ZBTB46: variants seen among roughly 807,000 people sequenced by gnomAD.
The protein encoded by ZBTB46 is zinc finger and BTB domain containing 46.
Under a neutral mutation model 44.1 loss-of-function variants are expected in ZBTB46, and 8 were observed. The observed-to-expected ratio is 0.18, with a 90% CI of 0.11 to 0.33. The LOEUF (loss-of-function observed/expected upper bound fraction) is 0.33, where lower values mean the gene tolerates loss of function less well. Among genes scored for constraint, ZBTB46 ranks in the 10% least tolerant of loss-of-function variants. ZBTB46 has a pLI of 1.00. For missense variants in ZBTB46, 651 were observed against 847.7 expected (o/e 0.77, Z 2.88); for synonymous variants, 409 against 382.3 (o/e 1.07, Z -0.81).
At position 63,778,035 on chromosome 20, in the gene ZBTB46, G is replaced by A. The variant is rs1020972579; in HGVS notation, c.938-2073C>T. ...TGGCTGCAAAAAGGGGCTGGGGAGG[G>A]GTCTCGGATGAGGGCTAAGTGGTGC... is the stretch of plus-strand genomic sequence containing the variant. On this transcript the variant is annotated intron_variant, in intron 2 of 4. Transcript: ENST00000245663. 5.3e-5 allele frequency among the ~76,000 whole-genome samples: 8 copies of A among 152,298 alleles called. No individual in the cohort carries two copies. In the East Asian group the frequency reaches 1.3e-3, roughly 26 times the overall value.
intron 2 of ZBTB46, among the ~76,000 whole-genome samples, chr20:63,777,064 AG>A (rs1440598387): frequency 1.4e-4 from 6 of 44,016 alleles, no homozygotes; most frequent in African/African-American, 1.9e-4. Flanking sequence ...CCACGGTTCC[AG>A]CACACGCCAC....
At chr20:63,770,113 A>G (rs1305001462) in intron 3 of ZBTB46, among the ~76,000 whole-genome samples, 1 of 152,168 alleles carries the variant, frequency 6.6e-6, no homozygotes, top group Non-Finnish European at 1.5e-5. Flanking sequence ...CGCGTCCCAC[A>G]TTTCCGGGCA....
intron 2 of ZBTB46, among the ~76,000 whole-genome samples, chr20:63,778,697 G>A (rs1170139554): frequency 6.6e-6 from 1 of 152,128 alleles, no homozygotes; most frequent in African/African-American, 2.4e-5. Context: ...GCCTCTAAGG[G>A]ATATGTTTCC....
At chr20:63,808,976 C>CAAA (rs1157399042) in intron 1 of ZBTB46, among the ~76,000 whole-genome samples, 1,153 of 75,084 alleles carry the variant, frequency 0.015, 38 homozygotes, top group Non-Finnish European at 0.019. Context: ...GACTCCGCTT[C>CAAA]AAAAAAAAAA....
In ZBTB46 at chr20:63,789,874, G is replaced by A. The variant is rs770925142; in HGVS notation, c.884C>T (p.Pro295Leu). 12 of 1,613,436 alleles carry A rather than the reference G, an allele frequency of 7.4e-6. No individual in the cohort carries two copies. The highest frequency in any genetic ancestry group is 2.7e-5 in the African/African-American group (2 of 74,938). Reference protein sequence around the residue: ...QVEDDSRASSPVPSFLPTSGW... With the variant: ...QVEDDSRASSLVPSFLPTSGW... ...CGACGTCGGCAGGAAGGACGGCACC[G>A]GGGAGCTGGCCCGGCTGTCATCTTC... Residue 295 changes from proline to leucine, a missense_variant, in exon 2 of 5, where the codon CCG becomes CTG. Physicochemically the swap from Pro to Leu is moderately conservative, Grantham distance 98. Coordinates refer to ENST00000245663, the MANE Select transcript of ZBTB46 (RefSeq NM_001369741.1).
intron 2 of ZBTB46, among the ~76,000 whole-genome samples, chr20:63,777,701 C>T (rs1001576703): frequency 2.0e-5 from 3 of 152,148 alleles, no homozygotes; most frequent in Admixed American, 2.0e-4. Context: ...CCAGGACGCG[C>T]GTAGCACGTT....
At chr20:63,770,593 C>T (rs1011390058) in intron 3 of ZBTB46, among the ~76,000 whole-genome samples, 3 of 152,196 alleles carry the variant, frequency 2.0e-5, no homozygotes, top group Non-Finnish European at 2.9e-5. Context: ...CTCTGAGTGT[C>T]GGCTGCTCTG....
At chr20:63,748,326 A>G (rs1409158646) in intron 4 of ZBTB46, among the ~76,000 whole-genome samples, 3 of 152,214 alleles carry the variant, frequency 2.0e-5, no homozygotes, top group Non-Finnish European at 2.9e-5. Context: ...GGAGGGTCTC[A>G]GCACTGGCCT....
intron 3 of ZBTB46, among the ~76,000 whole-genome samples, chr20:63,758,651 C>T (rs952007930): frequency 2.2e-4 from 33 of 152,184 alleles, no homozygotes; most frequent in East Asian, 9.6e-4. Context: ...CACACGCACG[C>T]GCACGGGCAC....
intron 1 of ZBTB46, among the ~76,000 whole-genome samples, chr20:63,802,471 C>G (rs954493796): frequency 4.0e-5 from 6 of 151,792 alleles, no homozygotes; most frequent in Non-Finnish European, 8.8e-5. Context: ...ATGATAAGTA[C>G]CCTTAAAAGG....
chr20:63,775,883 C>T lies in ZBTB46; in HGVS notation c.1017G>A (p.Glu339=), dbSNP rs1309464079. The T allele has an allele frequency of 1.9e-6, 3 of 1,612,368 alleles. No homozygotes were observed. The highest frequency in any genetic ancestry group is 2.2e-5 in the South Asian group (2 of 91,008). The change falls in exon 3 of 5, where the codon GAG becomes GAA. Residue 339 remains glutamate (E), a synonymous_variant. Transcript: ENST00000245663. ...AGCTGGCTTCTCCTCCCAGGAGACC[C>T]TCCTCCACCTGTGCATAGAGCTCGG... ...ERAELYAQVE[E]GLLGGEASYL...
intron 3 of ZBTB46, among the ~76,000 whole-genome samples, chr20:63,772,029 C>CG (rs1280316690): frequency 7.9e-6 from 1 of 125,832 alleles, no homozygotes; most frequent in Non-Finnish European, 1.6e-5. Context: ...TGACGAGTTT[C>CG]GGTCTTGTTG....
rs918876324 is a variant in ZBTB46 at position 63,787,001 on chromosome 20, G to C, written c.937+2820C>G. On this transcript the variant is annotated intron_variant, in intron 2 of 4. Coordinates refer to ENST00000245663, the MANE Select transcript of ZBTB46 (RefSeq NM_001369741.1). The surrounding 1 kb of genome is among the most constrained non-coding windows in gnomAD (Gnocchi z 4.6). ...GTCTGGCCGTAGCTCAGTGCAGGACGCACAGCAACAACAGATGAGAATGAA... is the reference window on the plus strand; with the variant it reads ...GTCTGGCCGTAGCTCAGTGCAGGACCCACAGCAACAACAGATGAGAATGAA... Among the ~76,000 whole-genome samples the C allele has an allele frequency of 3.3e-5, 5 of 152,146 alleles. No individual in the cohort carries two copies. Among genetic ancestry groups the C allele is most frequent in the Non-Finnish European group, 7.3e-5 (5 of 68,044 alleles).
chr20:63,825,516 T>A (rs2092815335), intron 1 of ZBTB46, among the ~76,000 whole-genome samples: 1 of 151,638 alleles, frequency 6.6e-6, no homozygotes, highest in Non-Finnish European at 1.5e-5. Context: ...CTGGGCACTT[T>A]GTGTCAACAA....
chr20:63,750,862 AC>A (rs1233588011), intron 4 of ZBTB46, among the ~76,000 whole-genome samples: 1 of 151,958 alleles, frequency 6.6e-6, no homozygotes, highest in Non-Finnish European at 1.5e-5. Context: ...GTGTCACGCC[AC>A]TGCACTCCAG....
chr20:63,778,742 T>C (rs1315840155), intron 2 of ZBTB46, among the ~76,000 whole-genome samples: 1 of 152,252 alleles, frequency 6.6e-6, no homozygotes, highest in Non-Finnish European at 1.5e-5. Context: ...TACTCCTTTT[T>C]ATATTTTTTT....
rs527544372 is a variant in ZBTB46, at chr20:63,795,612, C to G, written c.-33-4822G>C. Among the ~76,000 whole-genome samples, 8 of 152,362 alleles carry G rather than the reference C, an allele frequency of 5.3e-5. No homozygotes were observed. In the East Asian group the frequency reaches 1.5e-3, roughly 29 times the overall value. ...AGCACAGCTGGGAGGGATTCAGCGG[C>G]GAGCCTGTGCTTCTAGGTCCAAAGC... On this transcript the variant is annotated intron_variant, in intron 1 of 4. Coordinates refer to ENST00000245663, the MANE Select transcript of ZBTB46 (RefSeq NM_001369741.1).
chr20:63,777,603 G>A (rs2092436251), intron 2 of ZBTB46, among the ~76,000 whole-genome samples: 1 of 152,232 alleles, frequency 6.6e-6, no homozygotes, highest in South Asian at 2.1e-4. Context: ...ATCAGGTACA[G>A]GAATCACCAC....
At chr20:63,808,245 AG>A (rs35212655) in intron 1 of ZBTB46, 27,127 of 152,194 alleles carry the variant, frequency 0.18, 2,946 homozygotes, top group East Asian at 0.45. Context: ...GCACAGACGG[AG>A]GGGGGGCCCA....
Sources: gnomAD v4.1 joint callset for allele counts (sites outside exome capture counted in the v4.1 genomes callset) on GRCh38, gnomAD v4.1.1 for gene constraint, Gnocchi (gnomAD v3.1) non-coding constraint, MANE v1.5 for transcripts, NCBI Gene and HGNC (gene_info 2026-07-23, HGNC 2026-07-21) for gene names.